The following CLCN5 variants were observed in gnomAD, a reference collection of about 807,000 sequenced individuals.
The protein encoded by CLCN5 is H(+)/Cl(-) exchange transporter 5.
CLCN5 carries 17 observed loss-of-function variants against 54.0 expected under a neutral mutation model. The observed-to-expected ratio is 0.31, with a 90% CI of 0.22 to 0.47. The LOEUF (loss-of-function observed/expected upper bound fraction) is 0.47. Ranked by LOEUF, CLCN5 falls within the 20% of genes least tolerant of loss-of-function variation. The pLI is 1.00. For synonymous variants in CLCN5, 222 were observed against 233.0 expected (o/e 0.95, Z 0.43); for missense variants, 448 against 646.7 (o/e 0.69, Z 3.33).
chrX:50,033,491 A>G (rs1231073480), intron 3 of CLCN5, among the ~76,000 whole-genome samples: 61 of 111,689 alleles, frequency 5.5e-4, no homozygotes, highest in Non-Finnish European at 5.6e-5. Flanking sequence ...AAGGAGAACT[A>G]CAAACCACTG....
chrX:50,043,900 C>G (rs1310538875), intron 4 of CLCN5, among the ~76,000 whole-genome samples: 6 of 111,444 alleles, frequency 5.4e-5, no homozygotes, highest in African/African-American at 1.6e-4. Flanking sequence ...ACTGGGATTG[C>G]CATTGTAAAA....
At chrX:49,936,416 TC>T (rs782191232) in intron 3 of CLCN5, among the ~76,000 whole-genome samples, 1 of 111,698 alleles carries the variant, frequency 9.0e-6, no homozygotes, top group East Asian at 2.8e-4. Flanking sequence ...TAAATCTACT[TC>T]TAAATCTCTC....
rs184372616 is a variant in CLCN5, at chrX:49,976,471, G to C, written c.16+51157G>C. 9.4e-4 allele frequency among the ~76,000 whole-genome samples: 106 copies of C among 112,216 alleles called. 1 individual carries two copies. The highest frequency in any genetic ancestry group is 4.7e-4 in the Non-Finnish European group (25 of 53,253). ...GATATGAGAACAGGCAAAGATGGGG[G>C]AGACTGCCACTAATAGTTAAGACTC... On this transcript the variant is annotated intron_variant, in intron 3 of 14. Coordinates refer to ENST00000376091, the MANE Select transcript of CLCN5 (RefSeq NM_001127898.4).
chrX:50,066,380 C>T (rs1933023841), intron 4 of CLCN5, among the ~76,000 whole-genome samples: 1 of 111,482 alleles, frequency 9.0e-6, no homozygotes, highest in South Asian at 3.7e-4. Context: ...TGAAAGCATA[C>T]AGGTCCCATG....
intron 3 of CLCN5, among the ~76,000 whole-genome samples, chrX:50,019,469 T>C (rs868962607): frequency 0.026 from 1,393 of 53,349 alleles, 28 homozygotes; most frequent in African/African-American, 0.12. Context: ...TTTTTTTTTC[T>C]TTTTTTTTTT....
chrX:50,025,547 A>G (rs191674271), intron 3 of CLCN5, among the ~76,000 whole-genome samples: 9 of 111,429 alleles, frequency 8.1e-5, no homozygotes, highest in East Asian at 2.9e-4. Flanking sequence ...AACTTTCACA[A>G]TCTTCAACAT....
chrX:49,951,435 T>G (rs1399301349), intron 3 of CLCN5, among the ~76,000 whole-genome samples: 2 of 112,157 alleles, frequency 1.8e-5, no homozygotes, highest in African/African-American at 6.5e-5. Flanking sequence ...TTCTAGAGTT[T>G]TAGTCCCATA....
At chrX:50,050,778 C>T (rs2147493045) in intron 4 of CLCN5, among the ~76,000 whole-genome samples, 1 of 107,368 alleles carries the variant, frequency 9.3e-6, no homozygotes, top group South Asian at 4.2e-4. Context: ...ATTCTCCTGC[C>T]TCAGCCTCCT....
At chrX:50,036,562 T>C (rs976717170) in intron 3 of CLCN5, among the ~76,000 whole-genome samples, 2 of 112,087 alleles carry the variant, frequency 1.8e-5, no homozygotes, top group African/African-American at 6.5e-5. Flanking sequence ...TATTTTGTTT[T>C]AATGAATTCC....
At position 50,090,480 on chromosome X, in the gene CLCN5, C is replaced by G. The variant is rs1934053338; in HGVS notation, c.2109C>G (p.Gly703=). 1 of 1,208,169 alleles carries G rather than the reference C, an allele frequency of 8.3e-7. No individual in the cohort carries two copies. Among genetic ancestry groups the G allele is most frequent in the East Asian group, 3.0e-5 (1 of 33,750 alleles). The change falls in exon 13 of 15, where the codon GGC becomes GGG. Residue 703 remains glycine, a synonymous_variant. Transcript: ENST00000376091. The part of the protein sequence containing the change: ...VVSRESQRLV[G]FVLRRDLIIS... The stretch of plus-strand genomic sequence containing the variant: ...CCCGGGAGTCCCAAAGACTTGTGGG[C>G]TTTGTCCTCCGAAGAGATCTCATTA...
At chrX:50,080,549 G>A (rs782620034) in intron 7 of CLCN5, 45 bp from the exon 8 acceptor site, 6 of 1,156,665 alleles carry the variant, frequency 5.2e-6, no homozygotes, top group South Asian at 1.8e-5. Flanking sequence ...ATGTCTCACT[G>A]AAGCTGTCTA....
intron 3 of CLCN5, among the ~76,000 whole-genome samples, chrX:49,991,172 C>T (rs1929241906): frequency 8.9e-6 from 1 of 112,236 alleles, no homozygotes; most frequent in African/African-American, 3.2e-5. Flanking sequence ...ACATTCCCAC[C>T]AGCAGTGTAG....
At chrX:50,065,885 C>T (rs1186566848) in intron 4 of CLCN5, among the ~76,000 whole-genome samples, 2 of 99,599 alleles carry the variant, frequency 2.0e-5, no homozygotes, top group African/African-American at 3.8e-5. Context: ...AATTGGAAAC[C>T]ATCATTCTCA....
At chrX:49,978,840 T>C (rs190343144) in intron 3 of CLCN5, among the ~76,000 whole-genome samples, 5 of 111,767 alleles carry the variant, frequency 4.5e-5, no homozygotes, top group African/African-American at 1.3e-4. Context: ...GTGGACTTTT[T>C]AAAAACCAAT....
chrX:49,995,987 C>G (rs182480925), intron 3 of CLCN5, among the ~76,000 whole-genome samples: 149 of 111,912 alleles, frequency 1.3e-3, no homozygotes, highest in Non-Finnish European at 2.3e-3. Flanking sequence ...TACAGTGTGG[C>G]CATTTCAGTG....
At chrX:50,009,102 C>T (rs370341989) in intron 3 of CLCN5, 223 of 297,591 alleles carry the variant, frequency 7.5e-4, no homozygotes, top group Non-Finnish European at 1.3e-3. Context: ...GTTTGCTATG[C>T]GGTGCCAGAT....
chrX:50,008,724 G>A (rs944194089), intron 3 of CLCN5, among the ~76,000 whole-genome samples: 1 of 112,200 alleles, frequency 8.9e-6, no homozygotes, highest in Admixed American at 9.4e-5. Flanking sequence ...TGCCCTGAGA[G>A]TGGGTGGGCC....
chrX:49,956,925 GAC>G (rs1927352417), intron 3 of CLCN5, among the ~76,000 whole-genome samples: 1 of 111,540 alleles, frequency 9.0e-6, no homozygotes, highest in African/African-American at 3.3e-5. Context: ...CTCAGGAATT[GAC>G]TTGGTCCTGT....
rs1173550380 is a variant in CLCN5, at chrX:49,930,514, T to C, written c.16+5200T>C. 2.7e-5 allele frequency among the ~76,000 whole-genome samples: 3 copies of C among 111,731 alleles called. No homozygotes were observed. The East Asian group carries it at 8.3e-4, about 31-fold the overall frequency. On this transcript the variant is annotated intron_variant, in intron 3 of 14. Transcript: ENST00000376091. ...CCAAAAATGATAATGTAGAGTTCTA[T>C]TTAGTAACACAGAAATAGGTTCATA... is the stretch of plus-strand genomic sequence containing the variant.
Sources: allele counts gnomAD v4.1 joint callset (sites outside exome capture counted in the v4.1 genomes callset), GRCh38; gene constraint gnomAD v4.1.1; transcripts MANE v1.5; gene names NCBI Gene and HGNC (gene_info 2026-07-23, HGNC 2026-07-21).